KIF6: variants seen among roughly 807,000 people sequenced by gnomAD.
KIF6 encodes kinesin-like protein KIF6.
In KIF6, 106 loss-of-function variants were observed where a neutral mutation model predicts 112.7. That is an observed-to-expected ratio of 0.94 (90% confidence interval 0.80 to 1.11). The LOEUF (loss-of-function observed/expected upper bound fraction) is 1.11. Among genes scored for constraint, KIF6 ranks in the 50% least tolerant of loss-of-function variants. KIF6 has a pLI of 0.00. For synonymous variants in KIF6, 339 were observed against 339.9 expected (o/e 1.00, Z 0.03); for missense variants, 929 against 964.0 (o/e 0.96, Z 0.48).
At chr6:39,539,822 G>C (rs1301147128) in intron 13 of KIF6, among the ~76,000 whole-genome samples, 181 bp downstream of exon 13, 1 of 151,966 alleles carries the variant, frequency 6.6e-6, no homozygotes, top group Non-Finnish European at 1.5e-5. Flanking sequence ...ATTCATAGTT[G>C]GTTCCCCTCA....
intron 19 of KIF6, among the ~76,000 whole-genome samples, chr6:39,350,313 G>A (rs1030080160): frequency 6.6e-6 from 1 of 152,142 alleles, no homozygotes; most frequent in Admixed American, 6.5e-5. Flanking sequence ...TTATGGACAT[G>A]TGTCCCTAAA....
chr6:39,647,799 C>T (rs374838798), intron 3 of KIF6, among the ~76,000 whole-genome samples: 54 of 151,544 alleles, frequency 3.6e-4, no homozygotes, highest in African/African-American at 1.2e-3. Context: ...CTCCGCCTCC[C>T]GGGTTCAGTT....
intron 7 of KIF6, among the ~76,000 whole-genome samples, chr6:39,588,458 C>T (rs917607612): frequency 6.6e-6 from 1 of 152,148 alleles, no homozygotes; most frequent in South Asian, 2.1e-4. Flanking sequence ...CAGTGATCCA[C>T]CCGCCTCGGC....
At chr6:39,582,865 C>T (rs1781370261) in intron 9 of KIF6, among the ~76,000 whole-genome samples, 1 of 152,166 alleles carries the variant, frequency 6.6e-6, no homozygotes, top group Non-Finnish European at 1.5e-5. Context: ...TCATTTGTGC[C>T]TCAGACAAGC....
At chr6:39,337,220 T>TTTC (rs1356863143) in intron 22 of KIF6, among the ~76,000 whole-genome samples, 2 of 111,982 alleles carry the variant, frequency 1.8e-5, no homozygotes, top group African/African-American at 1.2e-4. Context: ...TCTTTCTTTC[T>TTTC]TTCTTTCTTT....
chr6:39,625,516 C>T (rs879887455), intron 5 of KIF6, among the ~76,000 whole-genome samples: 1 of 152,076 alleles, frequency 6.6e-6, no homozygotes, highest in African/African-American at 2.4e-5. Context: ...GGAAAGCACC[C>T]CCAACTCCTC....
At chr6:39,509,099 G>A (rs1458414034) in intron 13 of KIF6, among the ~76,000 whole-genome samples, 1 of 152,196 alleles carries the variant, frequency 6.6e-6, no homozygotes, top group Non-Finnish European at 1.5e-5. Flanking sequence ...AGGGTCTGGA[G>A]TGGACCTCCA....
At chr6:39,699,436 A>G (rs1013881684) in intron 3 of KIF6, among the ~76,000 whole-genome samples, 5 of 152,318 alleles carry the variant, frequency 3.3e-5, no homozygotes, top group South Asian at 2.1e-4. Flanking sequence ...TTAAGGCTAG[A>G]GGTTTCCGGA....
chr6:39,683,832 G>C (rs1787678247), intron 3 of KIF6, among the ~76,000 whole-genome samples: 1 of 152,180 alleles, frequency 6.6e-6, no homozygotes, highest in Non-Finnish European at 1.5e-5. Context: ...AGATATAAAA[G>C]AGGAGGAAGT....
At chr6:39,711,335 A>C (rs1166488623) in intron 3 of KIF6, among the ~76,000 whole-genome samples, 1 of 151,596 alleles carries the variant, frequency 6.6e-6, no homozygotes, top group Non-Finnish European at 1.5e-5. Context: ...ATTGGCATGG[A>C]CATCTTTTCA....
chr6:39,618,567 C>T lies in KIF6; in HGVS notation c.510-5249G>A, dbSNP rs192955360. ...GACTCACAGAACAAACTTTTTGTGG[C>T]AATAAGACACCAAATTATAAACAAG... On this transcript the variant is annotated intron_variant, in intron 5 of 22. Transcript: ENST00000287152. 1.9e-4 allele frequency among the ~76,000 whole-genome samples: 29 copies of T among 152,230 alleles called. No homozygotes were observed. The East Asian group carries it at 5.4e-3, about 28-fold the overall frequency.
intron 10 of KIF6, among the ~76,000 whole-genome samples, chr6:39,563,910 A>G (rs62403284): frequency 0.12 from 18,023 of 152,214 alleles, 1,235 homozygotes; most frequent in Middle Eastern, 0.22. Flanking sequence ...CCTCATTTTA[A>G]TTTGCATTTC....
intron 16 of KIF6, among the ~76,000 whole-genome samples, chr6:39,371,574 CCT>C (rs1194655105): frequency 6.6e-6 from 1 of 152,160 alleles, no homozygotes; most frequent in East Asian, 1.9e-4. Context: ...GTAACTTTTC[CCT>C]GTCTTGTCCA....
chr6:39,702,092 C>A (rs899133443), intron 3 of KIF6, among the ~76,000 whole-genome samples: 1 of 152,194 alleles, frequency 6.6e-6, no homozygotes, highest in Non-Finnish European at 1.5e-5. Context: ...TTCCAGATCT[C>A]TTAGGACCCT....
intron 14 of KIF6, among the ~76,000 whole-genome samples, chr6:39,424,753 C>T (rs188657078): frequency 3.3e-5 from 5 of 152,232 alleles, no homozygotes; most frequent in Non-Finnish European, 7.4e-5. Flanking sequence ...AGTGTAGGAA[C>T]CCCCCGTAGG....
At chr6:39,487,458 C>A (rs1484904222) in intron 13 of KIF6, among the ~76,000 whole-genome samples, 1 of 152,174 alleles carries the variant, frequency 6.6e-6, no homozygotes, top group Non-Finnish European at 1.5e-5. Flanking sequence ...GGAAGGCCAC[C>A]CTTTAGCTTT....
At chr6:39,707,602 T>C (rs1367974313) in intron 3 of KIF6, among the ~76,000 whole-genome samples, 1 of 152,240 alleles carries the variant, frequency 6.6e-6, no homozygotes. Flanking sequence ...CATGTTTCTT[T>C]GTATATGACG....
rs957296300 is a variant in KIF6, at chr6:39,432,040, C to T, written c.1646-879G>A. Among the ~76,000 whole-genome samples, 4 of 152,058 alleles carry T rather than the reference C, an allele frequency of 2.6e-5. No homozygotes were observed. In the South Asian group the frequency reaches 6.2e-4, roughly 24 times the overall value. On this transcript the variant is annotated intron_variant, in intron 13 of 22. Coordinates refer to ENST00000287152, the MANE Select transcript of KIF6 (RefSeq NM_145027.6). ...TGTTTTCCTCCAGTAACTCTACCTCCGTGGAGCTTTCGTCAAAGCCCAGGC... is the reference window on the plus strand; with the variant it reads ...TGTTTTCCTCCAGTAACTCTACCTCTGTGGAGCTTTCGTCAAAGCCCAGGC...
intron 6 of KIF6, among the ~76,000 whole-genome samples, chr6:39,597,505 T>C (rs1782338983): frequency 6.6e-6 from 1 of 152,088 alleles, no homozygotes; most frequent in Admixed American, 6.6e-5. Context: ...TGTGACATCA[T>C]ACCACAGCAA....
Sources: allele counts gnomAD v4.1 joint callset (sites outside exome capture counted in the v4.1 genomes callset), GRCh38; gene constraint gnomAD v4.1.1; transcripts MANE v1.5; gene names NCBI Gene and HGNC (gene_info 2026-07-23, HGNC 2026-07-21).